The following UQCC1 variants were observed in gnomAD, a reference collection of about 807,000 sequenced individuals.
The protein encoded by UQCC1 is ubiquinol-cytochrome c reductase complex assembly factor 1, also known as bFGF-repressed Zic-binding protein.
A neutral mutation model predicts 48.0 loss-of-function variants in UQCC1; 38 were observed. That is an observed-to-expected ratio of 0.79 (90% confidence interval 0.61 to 1.04). UQCC1 has a LOEUF of 1.04. UQCC1 is among the 50% of genes least tolerant of loss of function. UQCC1 has a pLI of 0.00. For synonymous variants in UQCC1, 111 were observed against 129.2 expected (o/e 0.86, Z 0.95); for missense variants, 368 against 381.8 (o/e 0.96, Z 0.30).
At chr20:35,328,648 C>A (rs114964204) in intron 7 of UQCC1, among the ~76,000 whole-genome samples, 336 of 152,278 alleles carry the variant, frequency 2.2e-3, no homozygotes, top group African/African-American at 7.7e-3. Flanking sequence ...CTCTGTGATA[C>A]TGCATTGGAA....
rs547677022 is a variant in UQCC1 at position 35,362,123 on chromosome 20, T to C, written c.464+4434A>G. The stretch of plus-strand genomic sequence containing the variant: ...AAGGTTTCAAAGCAGAGATAATACC[T>C]GAATTGGATACTGAAGGAAAAACAG... On this transcript the variant is annotated intron_variant, in intron 6 of 9. Coordinates refer to ENST00000374385, the MANE Select transcript of UQCC1 (RefSeq NM_018244.5). Among the ~76,000 whole-genome samples, 310 of 152,304 alleles carry C rather than the reference T, an allele frequency of 2.0e-3. 1 individual carries two copies. The highest frequency in any genetic ancestry group is 3.7e-3 in the Non-Finnish European group (251 of 68,032).
At chr20:35,366,691 C>A in intron 5 of UQCC1, 77 bp from the exon 6 acceptor site, 1 of 1,289,334 alleles carries the variant, frequency 7.8e-7, no homozygotes, top group Non-Finnish European at 1.1e-6. Flanking sequence ...TATTGGCAGG[C>A]ACGGCACTTA....
At chr20:35,329,894 G>A (rs2061238356) in intron 7 of UQCC1, among the ~76,000 whole-genome samples, 1 of 152,214 alleles carries the variant, frequency 6.6e-6, no homozygotes, top group African/African-American at 2.4e-5. Context: ...AGAAAACTCT[G>A]GTTAAAATGC....
chr20:35,327,319 C>A (rs1246470235), intron 7 of UQCC1, among the ~76,000 whole-genome samples: 3 of 152,244 alleles, frequency 2.0e-5, no homozygotes, highest in Non-Finnish European at 2.9e-5. Flanking sequence ...TTGTCTTTCA[C>A]TGCTGTGTCC....
intron 7 of UQCC1, among the ~76,000 whole-genome samples, chr20:35,316,528 T>A (rs1183255793): frequency 2.0e-5 from 3 of 152,208 alleles, no homozygotes; most frequent in South Asian, 4.1e-4. Flanking sequence ...ATAACTAGTC[T>A]CGGAAGAAAT....
chr20:35,380,660 C>T (rs940424310), intron 4 of UQCC1, among the ~76,000 whole-genome samples: 3 of 152,154 alleles, frequency 2.0e-5, no homozygotes, highest in Non-Finnish European at 4.4e-5. Flanking sequence ...AAAAATCTTC[C>T]CTACTGCTTT....
At chr20:35,392,914 A>G (rs947431207) in intron 2 of UQCC1, among the ~76,000 whole-genome samples, 1 of 152,068 alleles carries the variant, frequency 6.6e-6, no homozygotes, top group Non-Finnish European at 1.5e-5. Flanking sequence ...AATTGGTAAG[A>G]AAAATGAGTT....
At chr20:35,321,293 C>T (rs1017722431) in intron 7 of UQCC1, among the ~76,000 whole-genome samples, 33 of 148,586 alleles carry the variant, frequency 2.2e-4, no homozygotes, top group African/African-American at 4.6e-4. Flanking sequence ...TGCGCGCGCG[C>T]GCGCGCACGC....
chr20:35,323,844 C>T (rs149511645), intron 7 of UQCC1, among the ~76,000 whole-genome samples: 109 of 152,358 alleles, frequency 7.2e-4, no homozygotes, highest in African/African-American at 2.5e-3. Flanking sequence ...AGTTGGCAGG[C>T]TGTTGATCCT....
intron 6 of UQCC1, among the ~76,000 whole-genome samples, chr20:35,359,525 C>T (rs1390448959): frequency 6.6e-6 from 1 of 152,184 alleles, no homozygotes; most frequent in African/African-American, 2.4e-5. Context: ...GACCTCCTGC[C>T]AGGTACTGGC....
intron 1 of UQCC1, among the ~76,000 whole-genome samples, chr20:35,410,777 A>AC (rs1568722626): frequency 1.4e-5 from 2 of 141,782 alleles, no homozygotes; most frequent in African/African-American, 5.2e-5. Flanking sequence ...AAAAAAAAAA[A>AC]CCACTAAATT....
At chr20:35,329,428 GA>G (rs1273920319) in intron 7 of UQCC1, among the ~76,000 whole-genome samples, 1 of 152,146 alleles carries the variant, frequency 6.6e-6, no homozygotes, top group Non-Finnish European at 1.5e-5. Flanking sequence ...TGATGGCAAG[GA>G]TCACTGACAT....
intron 7 of UQCC1, among the ~76,000 whole-genome samples, chr20:35,319,729 G>A (rs1309496213): frequency 1.3e-5 from 2 of 152,194 alleles, no homozygotes; most frequent in African/African-American, 4.8e-5. Context: ...GAGAACACAA[G>A]TAAGGCAATA....
chr20:35,345,726 C>A (rs576412713), intron 7 of UQCC1: 13 of 152,170 alleles, frequency 8.5e-5, no homozygotes, highest in Admixed American at 7.2e-4. Flanking sequence ...TTGTTTTTTA[C>A]ACTCAATACT....
intron 4 of UQCC1, among the ~76,000 whole-genome samples, chr20:35,375,784 T>A (rs1858896409): frequency 6.6e-6 from 1 of 151,606 alleles, no homozygotes; most frequent in South Asian, 2.1e-4. Flanking sequence ...AACGTTTCCA[T>A]CTCTACCAAA....
intron 6 of UQCC1, among the ~76,000 whole-genome samples, chr20:35,351,997 G>C (rs2146401139): frequency 6.6e-6 from 1 of 152,320 alleles, no homozygotes; most frequent in South Asian, 2.1e-4. Flanking sequence ...TTTCCTCTAG[G>C]GGAGATAAGG....
chr20:35,388,915 A>C (rs1279601290), intron 2 of UQCC1, among the ~76,000 whole-genome samples: 2 of 151,864 alleles, frequency 1.3e-5, no homozygotes, highest in African/African-American at 4.8e-5. Context: ...AAAATATAAA[A>C]ATTAGCTGGG....
At chr20:35,354,310 T>G (rs1332736091) in intron 6 of UQCC1, among the ~76,000 whole-genome samples, 1 of 152,204 alleles carries the variant, frequency 6.6e-6, no homozygotes, top group Non-Finnish European at 1.5e-5. Flanking sequence ...CCAGCAAAGA[T>G]TGTTATAACC....
intron 8 of UQCC1, among the ~76,000 whole-genome samples, chr20:35,311,355 T>A (rs964161974): frequency 6.6e-6 from 1 of 152,244 alleles, no homozygotes; most frequent in Non-Finnish European, 1.5e-5. Context: ...TAGGAAAAGG[T>A]TGCTGTAGAA....
Sources: allele counts gnomAD v4.1 joint callset (sites outside exome capture counted in the v4.1 genomes callset), GRCh38; gene constraint gnomAD v4.1.1; transcripts MANE v1.5; gene names NCBI Gene and HGNC (gene_info 2026-07-23, HGNC 2026-07-21).